Variants in PARVA observed in about 807,000 individuals in gnomAD.
PARVA encodes the protein parvin alpha, also known as alpha-parvin.
Under a neutral mutation model 52.6 loss-of-function variants are expected in PARVA, and 25 were observed. That is an observed-to-expected ratio of 0.48 (90% CI 0.35 to 0.66). The LOEUF (loss-of-function observed/expected upper bound fraction) is 0.66. Among genes scored for constraint, PARVA ranks in the 30% least tolerant of loss-of-function variants. PARVA has a pLI of 0.01. For synonymous variants in PARVA, 185 were observed against 179.1 expected, an observed-to-expected ratio of 1.03 and a Z score of -0.26; for missense variants, 373 against 450.9, an observed-to-expected ratio of 0.83 and a Z score of 1.56.
At chr11:12,418,125 C>T (rs896327762) in intron 1 of PARVA, among the ~76,000 whole-genome samples, 12 of 151,478 alleles carry the variant, frequency 7.9e-5, no homozygotes, top group African/African-American at 2.9e-4. Flanking sequence ...AACCGAATTC[C>T]TGCCACATTT....
intron 5 of PARVA, among the ~76,000 whole-genome samples, chr11:12,499,669 A>C (rs1010864933): frequency 6.6e-5 from 10 of 152,174 alleles, no homozygotes; most frequent in Non-Finnish European, 1.5e-4. Flanking sequence ...GAGGTTAAGA[A>C]ACTATGAAGG....
intron 1 of PARVA, among the ~76,000 whole-genome samples, chr11:12,446,398 CATT>C (rs936532678): frequency 1.3e-5 from 2 of 152,144 alleles, no homozygotes; most frequent in African/African-American, 4.8e-5. Context: ...CTCAAGAAGG[CATT>C]ATAATTTTTT....
intron 12 of PARVA, among the ~76,000 whole-genome samples, chr11:12,520,607 T>A (rs1941624211): frequency 6.6e-6 from 1 of 152,180 alleles, no homozygotes; most frequent in Non-Finnish European, 1.5e-5. Context: ...GTTTAGTGCC[T>A]GAGTTAGTGT....
chr11:12,449,156 AT>A (rs1940589063), intron 1 of PARVA, among the ~76,000 whole-genome samples: 1 of 150,162 alleles, frequency 6.7e-6, no homozygotes, highest in Non-Finnish European at 1.5e-5. Context: ...ATTTATTTTT[AT>A]TTTATTTTAT....
At chr11:12,442,209 C>A (rs571462623) in intron 1 of PARVA, among the ~76,000 whole-genome samples, 1 of 152,224 alleles carries the variant, frequency 6.6e-6, no homozygotes, top group African/African-American at 2.4e-5. Context: ...ACAGGGAGGA[C>A]CTTTGGGCAG....
chr11:12,493,489 A>C (rs1941258087), intron 4 of PARVA, among the ~76,000 whole-genome samples: 1 of 152,170 alleles, frequency 6.6e-6, no homozygotes, highest in Non-Finnish European at 1.5e-5. Flanking sequence ...AAAAGCAAGA[A>C]TATAAACCCA....
Position 12,460,266 on chromosome 11 carries a change from GCAGC to G in PARVA, c.137-13474_137-13471del, listed in dbSNP as rs542304225. Among the ~76,000 whole-genome samples the G allele has an allele frequency of 3.7e-3, 561 of 152,242 alleles. 3 individuals carry two copies. Among genetic ancestry groups the G allele is most frequent in the Non-Finnish European group, 6.2e-3 (422 of 68,016 alleles). ...ATAGTGTTAAGGATGTGAGAGCTCT[GCAGC>G]CAGCTGGCTCAGGATCAAACCTTGG... On this transcript the variant is annotated intron_variant, in intron 1 of 12. Transcript: ENST00000334956.
intron 10 of PARVA, among the ~76,000 whole-genome samples, chr11:12,517,169 C>T (rs1941578255): frequency 6.6e-6 from 1 of 152,106 alleles, no homozygotes; most frequent in Non-Finnish European, 1.5e-5. Flanking sequence ...CCTCTGATGC[C>T]TTCAGTGCTT....
intron 4 of PARVA, among the ~76,000 whole-genome samples, chr11:12,481,421 T>G (rs1941084448): frequency 6.6e-6 from 1 of 152,114 alleles, no homozygotes; most frequent in Non-Finnish European, 1.5e-5. Context: ...TTCAACAAGC[T>G]GCCCATATTT....
intron 1 of PARVA, among the ~76,000 whole-genome samples, chr11:12,424,076 A>G (rs1589952402): frequency 6.6e-6 from 1 of 152,170 alleles, no homozygotes; most frequent in East Asian, 1.9e-4. Flanking sequence ...CTAAATCAAG[A>G]GCAATGGATA....
intron 4 of PARVA, among the ~76,000 whole-genome samples, chr11:12,481,638 TGTACCTAG>T (rs893230036): frequency 2.0e-5 from 3 of 152,192 alleles, no homozygotes; most frequent in African/African-American, 7.2e-5. Context: ...ACCAAACATC[TGTACCTAG>T]GTACAGTGCC....
At chr11:12,422,605 T>TG (rs11437144) in intron 1 of PARVA, among the ~76,000 whole-genome samples, 2 of 152,130 alleles carry the variant, frequency 1.3e-5, no homozygotes, top group Non-Finnish European at 2.9e-5. Context: ...GCTTATAGGG[T>TG]CATTTCCCAG....
At chr11:12,440,657 A>G (rs934367921) in intron 1 of PARVA, among the ~76,000 whole-genome samples, 1 of 152,188 alleles carries the variant, frequency 6.6e-6, no homozygotes, top group Non-Finnish European at 1.5e-5. Flanking sequence ...TTCTAAGCTC[A>G]TTCAGGTTCT....
At position 12,443,141 on chromosome 11, in the gene PARVA, G is replaced by A. The variant is rs1312300454; in HGVS notation, c.137-30604G>A. Among the ~76,000 whole-genome samples the A allele has an allele frequency of 1.1e-4, 15 of 138,406 alleles. No homozygotes were observed. The South Asian group carries it at 1.4e-3, about 13-fold the overall frequency. 90.8% of individuals were successfully genotyped at this position (138,406 alleles called of 152,430 possible). Reference sequence around the variant, plus strand: ...CTCCCAAAGTGCTGGGATTACAGGCGTGAGCCACCATGCCCGGCGCCCCCC... The same window carrying A: ...CTCCCAAAGTGCTGGGATTACAGGCATGAGCCACCATGCCCGGCGCCCCCC... On this transcript the variant is annotated intron_variant, in intron 1 of 12. Coordinates refer to ENST00000334956, the MANE Select transcript of PARVA (RefSeq NM_018222.5).
chr11:12,394,515 GAC>G (rs1939706118), intron 1 of PARVA, among the ~76,000 whole-genome samples: 1 of 152,186 alleles, frequency 6.6e-6, no homozygotes, highest in African/African-American at 2.4e-5. Flanking sequence ...GTTTGTGGAT[GAC>G]ACAATGAAAT....
At chr11:12,377,970 G>T (rs893617217) in intron 1 of PARVA, among the ~76,000 whole-genome samples, 187 bp downstream of exon 1, 1 of 148,322 alleles carries the variant, frequency 6.7e-6, no homozygotes, top group East Asian at 2.0e-4. Flanking sequence ...CACTGAGCCC[G>T]GGGCTCGCGG....
intron 1 of PARVA, among the ~76,000 whole-genome samples, chr11:12,402,202 A>C (rs1369415096): frequency 6.6e-6 from 1 of 152,174 alleles, no homozygotes; most frequent in Admixed American, 6.5e-5. Context: ...TTAGATAAGA[A>C]GTAAGGGGAC....
chr11:12,390,468 A>T (rs954063749), intron 1 of PARVA, among the ~76,000 whole-genome samples: 1 of 152,000 alleles, frequency 6.6e-6, no homozygotes. Flanking sequence ...AATCAAGGAG[A>T]CTCCTCAGAG....
intron 1 of PARVA, among the ~76,000 whole-genome samples, chr11:12,415,456 C>A (rs1459653462): frequency 6.6e-6 from 1 of 150,948 alleles, no homozygotes; most frequent in African/African-American, 2.4e-5. Context: ...CCCTCCCCCA[C>A]CCCAACATGT....
Sources: allele counts gnomAD v4.1 joint callset (sites outside exome capture counted in the v4.1 genomes callset), GRCh38; gene constraint gnomAD v4.1.1; transcripts MANE v1.5; gene names NCBI Gene and HGNC (gene_info 2026-07-23, HGNC 2026-07-21).